Variants in SEC24D observed in about 807,000 individuals in gnomAD.
The protein encoded by SEC24D is protein transport protein Sec24D.
A neutral mutation model predicts 116.9 loss-of-function variants in SEC24D; 69 were observed. The observed-to-expected ratio is 0.59, with a 90% CI of 0.49 to 0.72. The LOEUF is 0.72. Ranked by LOEUF, SEC24D falls within the 30% of genes least tolerant of loss-of-function variation. SEC24D has a pLI of 0.00. For missense variants in SEC24D, 1,131 were observed against 1,264.1 expected (o/e 0.89, Z 1.60); for synonymous variants, 405 against 442.8 (o/e 0.91, Z 1.07).
chr4:118,803,708 T>C (rs989704219), intron 7 of SEC24D, among the ~76,000 whole-genome samples: 3 of 152,182 alleles, frequency 2.0e-5, no homozygotes, highest in African/African-American at 7.2e-5. Flanking sequence ...AATGCTTGAG[T>C]TCAAATTCTA....
intron 2 of SEC24D, among the ~76,000 whole-genome samples, chr4:118,829,583 C>T (rs545447629): frequency 1.6e-4 from 24 of 152,180 alleles, no homozygotes; most frequent in Non-Finnish European, 2.4e-4. Flanking sequence ...GAGGCCGAGG[C>T]GGGTGGATTA....
chr4:118,807,409 AAGAATCCTAATAAT>A (rs1353891665), intron 6 of SEC24D, among the ~76,000 whole-genome samples: 1 of 152,164 alleles, frequency 6.6e-6, no homozygotes, highest in Non-Finnish European at 1.5e-5. Context: ...GAGAACAAGA[AAGAATCCTAATAAT>A]TATGTTCCTC....
chr4:118,833,814 A>G, intron 1 of SEC24D, 77 bp from the exon 2 acceptor site: 2 of 670,894 alleles, frequency 3.0e-6, no homozygotes, highest in South Asian at 3.8e-5. Flanking sequence ...AAACACTGTT[A>G]TTACATGTTT....
intron 8 of SEC24D, among the ~76,000 whole-genome samples, chr4:118,777,958 T>C (rs1358087208): frequency 6.6e-6 from 1 of 152,092 alleles, no homozygotes; most frequent in Admixed American, 6.6e-5. Context: ...GATGGGGTTG[T>C]TTTTTTCTTG....
At chr4:118,725,306 C>A (rs1355421341) in intron 22 of SEC24D, among the ~76,000 whole-genome samples, 1 of 152,140 alleles carries the variant, frequency 6.6e-6, no homozygotes. Flanking sequence ...AAAACTAACC[C>A]TTAATGAGAT....
intron 6 of SEC24D, among the ~76,000 whole-genome samples, chr4:118,812,253 A>G (rs114123875): frequency 0.044 from 6,639 of 152,148 alleles, 199 homozygotes; most frequent in Non-Finnish European, 0.064. Context: ...CCATGTCCTA[A>G]TCTCTGAAAT....
intron 6 of SEC24D, among the ~76,000 whole-genome samples, chr4:118,808,340 C>T (rs1229237762): frequency 6.6e-6 from 1 of 152,046 alleles, no homozygotes; most frequent in Non-Finnish European, 1.5e-5. Flanking sequence ...GAGGTAAAAG[C>T]CATGATAATG....
Position 118,775,345 on chromosome 4 carries a change from CA to C in SEC24D, c.1042-7035del, listed in dbSNP as rs55740002. Among the ~76,000 whole-genome samples the C allele has an allele frequency of 2.4e-3, 271 of 114,518 alleles. 1 individual carries two copies. The highest frequency in any genetic ancestry group is 6.0e-3 in the African/African-American group (143 of 24,020). 75.1% of individuals were successfully genotyped at this position (114,518 alleles called of 152,430 possible). On this transcript the variant is annotated intron_variant, in intron 8 of 22. Coordinates refer to ENST00000280551, the MANE Select transcript of SEC24D (RefSeq NM_014822.4). ...TGTGATAGGTGTTAAAGCAAAAGGT[CA>C]AAAAAAAAAAAAAAAAAAAGAAGAA...
chr4:118,759,614 T>C (rs1727272133), intron 10 of SEC24D, among the ~76,000 whole-genome samples: 1 of 152,194 alleles, frequency 6.6e-6, no homozygotes, highest in African/African-American at 2.4e-5. Context: ...CCTAGATCTC[T>C]TCTATCTCTT....
intron 22 of SEC24D, 113 bp downstream of exon 22, chr4:118,728,448 G>T: frequency 1.6e-6 from 1 of 634,594 alleles, no homozygotes; most frequent in Non-Finnish European, 2.7e-6. Context: ...ATTTGTGATG[G>T]TGTGAGTTTT....
intron 8 of SEC24D, among the ~76,000 whole-genome samples, chr4:118,775,345 C>CAAA (rs55740002): frequency 2.4e-3 from 271 of 114,466 alleles, no homozygotes; most frequent in African/African-American, 9.8e-3. Context: ...AGCAAAAGGT[C>CAAA]AAAAAAAAAA....
intron 6 of SEC24D, among the ~76,000 whole-genome samples, chr4:118,810,516 A>G (rs187341593): frequency 3.9e-5 from 6 of 152,324 alleles, no homozygotes; most frequent in Middle Eastern, 3.4e-3. Flanking sequence ...TTTACTAGGA[A>G]TATCTGCATT....
chr4:118,765,707 C>A (rs1727609800), intron 9 of SEC24D, among the ~76,000 whole-genome samples: 1 of 152,048 alleles, frequency 6.6e-6, no homozygotes, highest in African/African-American at 2.4e-5. Flanking sequence ...ACAACATTGC[C>A]ATTTGTAAAA....
At chr4:118,784,020 T>A (rs965622081) in intron 8 of SEC24D, among the ~76,000 whole-genome samples, 10 of 152,212 alleles carry the variant, frequency 6.6e-5, no homozygotes, top group African/African-American at 2.4e-4. Flanking sequence ...CTGGCCAACA[T>A]GGCGAAACCT....
At chr4:118,835,727 C>G (rs1242378550) in intron 1 of SEC24D, among the ~76,000 whole-genome samples, 1 of 152,180 alleles carries the variant, frequency 6.6e-6, no homozygotes, top group Non-Finnish European at 1.5e-5. Flanking sequence ...GTAAAAAATG[C>G]CCACGCCCAC....
rs371934243 is a variant in SEC24D at position 118,810,883 on chromosome 4, A to G, written c.801+4145T>C. Among the ~76,000 whole-genome samples, 23 of 152,174 alleles carry G rather than the reference A, an allele frequency of 1.5e-4. No individual in the cohort carries two copies. The East Asian group carries it at 2.7e-3, about 18-fold the overall frequency. On this transcript the variant is annotated intron_variant, in intron 6 of 22. Transcript: ENST00000280551. ...GTCAGAGAGATGAGGAGACATTAAC[A>G]AAGGAGACACAGCCTCCAGTGGGGT...
intron 8 of SEC24D, among the ~76,000 whole-genome samples, chr4:118,796,954 A>G (rs1030702693): frequency 6.6e-6 from 1 of 152,192 alleles, no homozygotes. Context: ...TCCAGCTGGA[A>G]GTCAAGCTTT....
At chr4:118,786,940 C>G (rs539511204) in intron 8 of SEC24D, among the ~76,000 whole-genome samples, 1 of 152,292 alleles carries the variant, frequency 6.6e-6, no homozygotes, top group Non-Finnish European at 1.5e-5. Context: ...AGAATAAAGA[C>G]TTACAGGAAT....
rs149502557 is a variant in SEC24D at position 118,794,835 on chromosome 4, G to A, written c.1041+2848C>T. Among the ~76,000 whole-genome samples the A allele has an allele frequency of 1.5e-4, 23 of 152,172 alleles. No individual in the cohort carries two copies. In the East Asian group the frequency reaches 4.4e-3, roughly 29 times the overall value. ...ATTTCTCATATTAATATATTACCCC[G>A]CTGTTTTAAAGGAGGTAGCTCTGTA... On this transcript the variant is annotated intron_variant, in intron 8 of 22. Transcript: ENST00000280551.
Sources: gnomAD v4.1 joint callset for allele counts (sites outside exome capture counted in the v4.1 genomes callset) on GRCh38, gnomAD v4.1.1 for gene constraint, MANE v1.5 for transcripts, NCBI Gene and HGNC (gene_info 2026-07-23, HGNC 2026-07-21) for gene names.